Variants in ALB observed in about 807,000 individuals in gnomAD.
ALB encodes the protein albumin.
In ALB, 37 loss-of-function variants were observed where a neutral mutation model predicts 74.5. That is an observed-to-expected ratio of 0.50 (90% CI 0.38 to 0.65). The LOEUF is 0.65. ALB is among the 30% of genes least tolerant of loss of function. ALB has a pLI of 0.00. For synonymous variants in ALB, 249 were observed against 251.6 expected (o/e 0.99, Z 0.10); for missense variants, 685 against 718.7 (o/e 0.95, Z 0.54).
At chr4:73,407,267 G>A (rs913438210) in intron 3 of ALB, among the ~76,000 whole-genome samples, 7 of 151,854 alleles carry the variant, frequency 4.6e-5, no homozygotes, top group East Asian at 1.9e-4. Flanking sequence ...CCCTCGTTTC[G>A]TCCTCCCCCA....
chr4:73,413,220 G>C (rs1718923234), intron 7 of ALB, 200 bp from the exon 8 acceptor site: 1 of 605,030 alleles, frequency 1.7e-6, no homozygotes, highest in African/African-American at 1.8e-5. Context: ...CTACTGATTA[G>C]TCTATTTTAA....
intron 7 of ALB, among the ~76,000 whole-genome samples, chr4:73,412,541 G>T (rs1718905954): frequency 6.6e-6 from 1 of 152,306 alleles, no homozygotes; most frequent in South Asian, 2.1e-4. Flanking sequence ...TGCCTCCTGG[G>T]TTCAAGTGAT....
chr4:73,409,133 AT>A (rs1273211759), intron 4 of ALB: 1 of 605,684 alleles, frequency 1.7e-6, no homozygotes, highest in Non-Finnish European at 2.8e-6. Context: ...TATTGCCAAA[AT>A]TTAACCATTT....
Position 73,406,632 on chromosome 4 carries a change from G to C in ALB, c.141G>C (p.Val47=). Residue 47 remains valine, a synonymous_variant, in exon 3 of 15, where the codon GTG becomes GTC. Transcript: ENST00000295897. ...DLGEENFKAL[V]LIAFAQYLQQ... Reference sequence around the variant, plus strand: ...TTTTCTACATCCTTTGTTTCAGGGTGTTGATTGCCTTTGCTCAGTATCTTC... The same window carrying C: ...TTTTCTACATCCTTTGTTTCAGGGTCTTGATTGCCTTTGCTCAGTATCTTC... The C allele has an allele frequency of 6.2e-7, 1 of 1,613,646 alleles. No homozygotes were observed. Among genetic ancestry groups the C allele is most frequent in the Non-Finnish European group, 8.5e-7 (1 of 1,179,870 alleles).
At chr4:73,418,794 A>G (rs1443712279) in intron 12 of ALB, among the ~76,000 whole-genome samples, 1 of 152,206 alleles carries the variant, frequency 6.6e-6, no homozygotes, top group Non-Finnish European at 1.5e-5. Flanking sequence ...CCCTATTGCT[A>G]TCACAGGGGT....
At chr4:73,416,606 G>A (rs1161755677) in intron 10 of ALB, among the ~76,000 whole-genome samples, 2 of 152,188 alleles carry the variant, frequency 1.3e-5, no homozygotes, top group African/African-American at 2.4e-5. Context: ...CCAAATCTTG[G>A]TATATCAGAA....
intron 7 of ALB, among the ~76,000 whole-genome samples, chr4:73,412,406 T>C (rs1718901530): frequency 6.6e-6 from 1 of 152,208 alleles, no homozygotes. Flanking sequence ...TACAAGGTTT[T>C]ACTTGGCAGA....
chr4:73,406,543 C>A, intron 2 of ALB, 86 bp from the exon 3 acceptor site: 2 of 1,246,624 alleles, frequency 1.6e-6, no homozygotes, highest in Admixed American at 1.8e-5. Context: ...AGAACCTATA[C>A]CCATACATGA....
At chr4:73,411,728 T>C (rs900601815) in intron 6 of ALB, among the ~76,000 whole-genome samples, 3 of 152,198 alleles carry the variant, frequency 2.0e-5, no homozygotes, top group African/African-American at 7.2e-5. Context: ...AACCTGATGC[T>C]TCTCAGCCTG....
intron 10 of ALB, 59 bp from the exon 11 acceptor site, chr4:73,417,472 T>C: frequency 6.3e-7 from 1 of 1,597,276 alleles, no homozygotes. Context: ...TTCTCTGTTT[T>C]ATCTACTATG....
At chr4:73,412,724 C>G (rs1718911934) in intron 7 of ALB, among the ~76,000 whole-genome samples, 2 of 152,214 alleles carry the variant, frequency 1.3e-5, no homozygotes, top group African/African-American at 4.8e-5. Context: ...GGATTACAGG[C>G]ATGAGCCACC....
chr4:73,416,350 A>G lies in ALB; in HGVS notation c.1286A>G (p.Asn429Ser), dbSNP rs1211390003. Residue 429 changes from asparagine to serine, a missense_variant, in exon 10 of 15, where the codon AAT (asparagine) becomes AGT (serine). By Grantham distance (46) the Asn-to-Ser change is conservative. Transcript: ENST00000295897. ...CAGCTTGGAGAGTACAAATTCCAGA[A>G]TGCGTAAGTAATTTTTATTGACTGA... Reference protein sequence around the residue: ...FEQLGEYKFQNALLVRYTKKV... With the variant: ...FEQLGEYKFQSALLVRYTKKV... 2.5e-6 allele frequency: 4 copies of G among 1,611,190 alleles called. No homozygotes were observed. The African/African-American group carries it at 5.3e-5, about 21-fold the overall frequency.
At chr4:73,406,423 G>A (rs1334186615) in intron 2 of ALB, among the ~76,000 whole-genome samples, 1 of 152,070 alleles carries the variant, frequency 6.6e-6, no homozygotes, top group Non-Finnish European at 1.5e-5. Flanking sequence ...TAAACATTAG[G>A]GAACTACCAT....
intron 13 of ALB, 105 bp from the exon 14 acceptor site, chr4:73,420,149 C>A: frequency 2.1e-6 from 2 of 951,710 alleles, no homozygotes; most frequent in South Asian, 1.4e-5. Context: ...GGATATGATG[C>A]ACGTGAAATC....
Position 73,415,155 on chromosome 4 carries a change from C to A in ALB, c.1179C>A (p.Cys393Ter), listed in dbSNP as rs958244328. 3.1e-6 allele frequency: 5 copies of A among 1,613,952 alleles called. No individual in the cohort carries two copies. Among genetic ancestry groups the A allele is most frequent in the African/African-American group, 1.3e-5 (1 of 74,904 alleles). The part of the protein sequence containing the change: ...KCCAAADPHE[C>*]YAKVFDEFKP... ...GTGCCGCTGCAGATCCTCATGAATG[C>A]TATGCCAAAGTGGTAGGTTTATTGT... Residue 393 changes from cysteine (C) to a stop codon, truncating the protein, a stop_gained, in exon 9 of 15, where the codon TGC becomes TGA. Transcript: ENST00000295897. LOFTEE classifies it high-confidence loss of function.
chr4:73,412,566 CT>C (rs1383802839), intron 7 of ALB, among the ~76,000 whole-genome samples: 1 of 152,212 alleles, frequency 6.6e-6, no homozygotes, highest in Non-Finnish European at 1.5e-5. Context: ...ATGCCTCAGC[CT>C]CCCAAGTAGC....
chr4:73,409,798 C>A (rs3775486), intron 5 of ALB, among the ~76,000 whole-genome samples: 65,615 of 151,688 alleles, frequency 0.43, 14,494 homozygotes, highest in Admixed American at 0.53. Context: ...CAGCAAGGGG[C>A]CACAGTTCTT....
At chr4:73,417,208 G>A (rs1186382398) in intron 10 of ALB, among the ~76,000 whole-genome samples, 1 of 152,104 alleles carries the variant, frequency 6.6e-6, no homozygotes, top group African/African-American at 2.4e-5. Context: ...TATCTTTCAA[G>A]TTTAGCATAT....
Position 73,418,269 on chromosome 4 carries a change from T to C in ALB, c.1610T>C (p.Ile537Thr), listed in dbSNP as rs1365047318. ...GAAACATTCACCTTCCATGCAGATA[T>C]ATGCACACTTTCTGAGAAGGAGAGA... ...NAETFTFHAD[I>T]CTLSEKERQI... Residue 537 changes from isoleucine to threonine, a missense_variant, in exon 12 of 15, where the codon ATA becomes ACA. Ile to Thr is a moderately conservative substitution (Grantham distance 89). Transcript: ENST00000295897. The C allele has an allele frequency of 4.3e-6, 7 of 1,614,048 alleles. No individual in the cohort carries two copies. Among genetic ancestry groups the C allele is most frequent in the Middle Eastern group, 1.6e-4 (1 of 6,062 alleles).
Sources: allele counts gnomAD v4.1 joint callset (sites outside exome capture counted in the v4.1 genomes callset), GRCh38; gene constraint gnomAD v4.1.1; transcripts MANE v1.5; gene names NCBI Gene and HGNC (gene_info 2026-07-23, HGNC 2026-07-21).